Variants in NRP2 observed in about 807,000 individuals in gnomAD.
The protein encoded by NRP2 is neuropilin-2.
Under a neutral mutation model 110.4 loss-of-function variants are expected in NRP2, and 52 were observed. That is an observed-to-expected ratio of 0.47 (90% CI 0.38 to 0.59). The LOEUF (loss-of-function observed/expected upper bound fraction) is 0.59, where lower values mean the gene tolerates loss of function less well. Ranked by LOEUF, NRP2 falls within the 20% of genes least tolerant of loss-of-function variation. The pLI, the probability that NRP2 is intolerant of heterozygous loss-of-function variation, is 0.00. For synonymous variants in NRP2, 508 were observed against 468.9 expected (o/e 1.08, Z -1.08); for missense variants, 1,049 against 1,203.0 (o/e 0.87, Z 1.89).
At chr2:205,762,136 C>T (rs1230161381) in intron 12 of NRP2, 1 of 152,236 alleles carries the variant, frequency 6.6e-6, no homozygotes, top group Non-Finnish European at 1.5e-5. Context: ...GCAGAGGTCA[C>T]ACCTTGTAGG....
intron 1 of NRP2, among the ~76,000 whole-genome samples, chr2:205,693,467 G>A (rs2056355113): frequency 6.6e-6 from 1 of 151,910 alleles, no homozygotes. Flanking sequence ...CAGCATCCAA[G>A]AAGAGCTCCC....
In NRP2 at chr2:205,683,262, C is replaced by T. The variant is rs755724813; in HGVS notation, c.-29C>T. On this transcript the variant is annotated 5_prime_UTR_variant, in exon 1 of 17. Transcript: ENST00000357785. Reference sequence around the variant, plus strand: ...GATTTAAACAAGAAACCTACGAACCCAGCTCTGGAAAGAGCCACCTTCTCC... The same window carrying T: ...GATTTAAACAAGAAACCTACGAACCTAGCTCTGGAAAGAGCCACCTTCTCC... 7.2e-6 allele frequency: 11 copies of T among 1,533,080 alleles called. No homozygotes were observed. Among genetic ancestry groups the T allele is most frequent in the Non-Finnish European group, 9.9e-6 (11 of 1,107,104 alleles). 95.0% of individuals were successfully genotyped at this position (1,533,080 alleles called of 1,614,324 possible). A position where few individuals can be genotyped will look rare whatever the true frequency, so the allele number is the denominator to read the frequency against.
chr2:205,697,239 C>T (rs2056449579), intron 1 of NRP2, among the ~76,000 whole-genome samples: 1 of 151,296 alleles, frequency 6.6e-6, no homozygotes, highest in African/African-American at 2.4e-5. Flanking sequence ...GTTGAGTTTG[C>T]AGTCCTCTTG....
intron 15 of NRP2, among the ~76,000 whole-genome samples, chr2:205,772,431 G>A (rs562442769): frequency 6.6e-6 from 1 of 152,180 alleles, no homozygotes; most frequent in South Asian, 2.1e-4. Context: ...TTTCTCCAGG[G>A]GGCTCAGAAT....
At chr2:205,740,725 A>G in intron 8 of NRP2, 62 bp downstream of exon 8, 3 of 1,589,250 alleles carry the variant, frequency 1.9e-6, no homozygotes, top group Non-Finnish European at 2.6e-6. Flanking sequence ...GCTCCCTTTC[A>G]ACTCTCTGCA....
At chr2:205,772,628 C>T (rs1054076967) in intron 15 of NRP2, among the ~76,000 whole-genome samples, 22 of 152,226 alleles carry the variant, frequency 1.4e-4, no homozygotes, top group Non-Finnish European at 2.6e-4. Context: ...TGTGAGTAAG[C>T]GGTAGAAATT....
At chr2:205,722,836 C>T (rs2057048990) in intron 4 of NRP2, 128 bp downstream of exon 4, 1 of 733,004 alleles carries the variant, frequency 1.4e-6, no homozygotes, top group Admixed American at 2.2e-5. Context: ...TGGTGACTTT[C>T]TCTTCTTCCC....
chr2:205,792,680 G>T (rs893246605), intron 16 of NRP2, among the ~76,000 whole-genome samples: 3 of 152,114 alleles, frequency 2.0e-5, no homozygotes, highest in African/African-American at 7.2e-5. Context: ...GACCTGCTGT[G>T]GTTTCTGGTT....
At chr2:205,691,996 T>A (rs1365299826) in intron 1 of NRP2, among the ~76,000 whole-genome samples, 3 of 152,174 alleles carry the variant, frequency 2.0e-5, no homozygotes, top group Non-Finnish European at 4.4e-5. Context: ...AGACCCAATT[T>A]CCAGTTCTCT....
At chr2:205,735,907 CT>C (rs1475585054) in intron 7 of NRP2, among the ~76,000 whole-genome samples, 1 of 152,204 alleles carries the variant, frequency 6.6e-6, no homozygotes, top group Non-Finnish European at 1.5e-5. Context: ...CAACTTAGCT[CT>C]TTTTAAATAC....
intron 15 of NRP2, among the ~76,000 whole-genome samples, chr2:205,789,528 A>G (rs1302831247): frequency 6.6e-6 from 1 of 151,688 alleles, no homozygotes; most frequent in Non-Finnish European, 1.5e-5. Flanking sequence ...CCTTTCTCCC[A>G]CTCTCTCCTG....
intron 1 of NRP2, among the ~76,000 whole-genome samples, chr2:205,696,945 TA>T (rs1223029806): frequency 2.0e-5 from 3 of 151,842 alleles, no homozygotes; most frequent in African/African-American, 4.8e-5. Context: ...TTTTTTTTCT[TA>T]AAAAAAAATT....
intron 2 of NRP2, among the ~76,000 whole-genome samples, chr2:205,712,080 T>C (rs1333788989): frequency 6.6e-6 from 1 of 152,210 alleles, no homozygotes; most frequent in Non-Finnish European, 1.5e-5. Context: ...GAGAGAAATG[T>C]AAGACTTTGA....
chr2:205,702,910 G>T (rs983359240), intron 2 of NRP2, among the ~76,000 whole-genome samples: 51 of 152,116 alleles, frequency 3.4e-4, no homozygotes, highest in Non-Finnish European at 1.3e-4. Flanking sequence ...CTTGCTTCCT[G>T]CAGTTCCCTT....
intron 2 of NRP2, among the ~76,000 whole-genome samples, chr2:205,698,171 C>T (rs1365293573): frequency 1.3e-5 from 2 of 151,064 alleles, no homozygotes; most frequent in Admixed American, 1.3e-4. Context: ...CAGGATCAGC[C>T]TGTTACCTTA....
At chr2:205,775,197 T>G (rs1220402071) in intron 15 of NRP2, among the ~76,000 whole-genome samples, 2 of 152,206 alleles carry the variant, frequency 1.3e-5, no homozygotes, top group African/African-American at 4.8e-5. Flanking sequence ...TTTGGCAAGC[T>G]CAAAAGCTCC....
intron 2 of NRP2, among the ~76,000 whole-genome samples, chr2:205,703,829 T>C (rs1356294828): frequency 5.3e-5 from 8 of 152,238 alleles, no homozygotes; most frequent in Non-Finnish European, 1.5e-5. Context: ...ACCCAATTTC[T>C]TAACCAGTGA....
intron 12 of NRP2, among the ~76,000 whole-genome samples, chr2:205,757,921 A>T (rs1422489189): frequency 3.3e-5 from 5 of 150,622 alleles, no homozygotes; most frequent in African/African-American, 1.2e-4. Context: ...CCTGCAAATC[A>T]TGATTGGTTG....
intron 15 of NRP2, chr2:205,779,798 C>G (rs555897666): frequency 1.2e-4 from 19 of 152,300 alleles, no homozygotes; most frequent in South Asian, 6.2e-4. Flanking sequence ...AAAGTTTACA[C>G]ATCACCTTCT....
Sources: gnomAD v4.1 joint callset for allele counts (sites outside exome capture counted in the v4.1 genomes callset) on GRCh38, gnomAD v4.1.1 for gene constraint, MANE v1.5 for transcripts, NCBI Gene and HGNC (gene_info 2026-07-23, HGNC 2026-07-21) for gene names.